PDXDC1: variants seen among roughly 807,000 people sequenced by gnomAD.
PDXDC1 encodes pyridoxal dependent decarboxylase domain containing 1, also known as pyridoxal-dependent decarboxylase domain-containing protein 1.
In PDXDC1, 42 loss-of-function variants were observed where a neutral mutation model predicts 100.1. The observed-to-expected ratio is 0.42, with a 90% confidence interval of 0.33 to 0.54. The LOEUF is 0.54. Ranked by LOEUF, PDXDC1 falls within the 20% of genes least tolerant of loss-of-function variation. The probability of loss-of-function intolerance (pLI) is 0.10; values close to 1 mark genes in which losing one functional copy is unlikely to be tolerated. For missense variants in PDXDC1, 636 were observed against 979.2 expected (o/e 0.65, Z 4.68); for synonymous variants, 260 against 371.7 (o/e 0.70, Z 3.46).
chr16:15,021,073 C>T (rs1408919116), intron 12 of PDXDC1, among the ~76,000 whole-genome samples: 3 of 151,980 alleles, frequency 2.0e-5, no homozygotes, highest in Non-Finnish European at 4.4e-5. Context: ...TAGGATAGTT[C>T]AACAGTTTTA....
At chr16:15,027,706 C>T (rs1345111051) in intron 14 of PDXDC1, among the ~76,000 whole-genome samples, 4 of 152,292 alleles carry the variant, frequency 2.6e-5, no homozygotes, top group Admixed American at 2.0e-4. Flanking sequence ...TGTCGGGGTG[C>T]TCTTCTGCCG....
At chr16:15,111,685 G>C (rs1432265662) in intron 16 of PDXDC1, among the ~76,000 whole-genome samples, 2 of 135,850 alleles carry the variant, frequency 1.5e-5, no homozygotes, top group Admixed American at 8.0e-5. Context: ...TTGAACCCAA[G>C]AGGCAGAGGT....
At chr16:15,063,648 C>T (rs1384703461) in intron 16 of PDXDC1, among the ~76,000 whole-genome samples, 14 of 139,830 alleles carry the variant, frequency 1.0e-4, no homozygotes, top group Admixed American at 1.6e-4. Flanking sequence ...GAGCTTGCAG[C>T]GAGCCGAGAT....
rs753980654 is a variant in PDXDC1, at chr16:15,038,285, C to G, written c.*2010C>G. On this transcript the variant is annotated 3_prime_UTR_variant, in exon 23 of 23. Transcript: ENST00000396410. ...TGCTGTGATAAAGATGTCAAAGTAT[C>G]TTTGTTCTTGGACACAAATATATAT... is the stretch of plus-strand genomic sequence containing the variant. The G allele has an allele frequency of 6.5e-6, 7 of 1,069,510 alleles. No individual in the cohort carries two copies. The highest frequency in any genetic ancestry group is 9.6e-6 in the Non-Finnish European group (7 of 725,406). 66.3% of individuals were successfully genotyped at this position (1,069,510 alleles called of 1,614,324 possible). A position where few individuals can be genotyped will look rare whatever the true frequency, so the allele number is the denominator to read the frequency against.
chr16:15,066,666 G>T lies in PDXDC1; in HGVS notation c.1399+36610G>T, dbSNP rs1260771078. On this transcript the variant is annotated intron_variant, in intron 16 of 16. Coordinates refer to the PDXDC1 transcript ENST00000535621. ...AAAAAAAAAAAGACAAAAACTAACA[G>T]ATGAAATCCCAACAAAGACTCAATA... Among the ~76,000 whole-genome samples, 6 of 148,494 alleles carry T rather than the reference G, an allele frequency of 4.0e-5. No individual in the cohort carries two copies. The South Asian group carries it at 8.6e-4, about 21-fold the overall frequency.
At chr16:15,080,119 A>C (rs751414163) in intron 16 of PDXDC1, 9 of 1,584,234 alleles carry the variant, frequency 5.7e-6, no homozygotes, top group African/African-American at 1.4e-5. Context: ...ATGTAAGATA[A>C]AACATTTCAA....
chr16:14,976,964 C>T (rs1204398443), intron 1 of PDXDC1: 2 of 152,292 alleles, frequency 1.3e-5, no homozygotes, highest in African/African-American at 4.8e-5. Context: ...ATCTTTCCTC[C>T]AGGAATAATT....
chr16:15,076,731 T>C, intron 16 of PDXDC1: 2 of 957,222 alleles, frequency 2.1e-6, no homozygotes, highest in South Asian at 1.4e-5. Flanking sequence ...ATTCATCTGA[T>C]ATACGCATGT....
rs146194005 is a variant in PDXDC1 at position 15,083,324 on chromosome 16, G to A, written c.1399+53268G>A. Among the ~76,000 whole-genome samples, 741 of 152,224 alleles carry A rather than the reference G, an allele frequency of 4.9e-3. 5 individuals are homozygous for A. Among genetic ancestry groups the A allele is most frequent in the African/African-American group, 0.017 (718 of 41,534 alleles). On this transcript the variant is annotated intron_variant, in intron 16 of 16. Transcript: ENST00000535621. ...TGAGGCAGGAGAATCGCTTGAACCC[G>A]AGAGGCAGAGGTTGCAGTGAGCCAA...
At chr16:14,991,269 G>GTGTA (rs1970741411) in intron 1 of PDXDC1, among the ~76,000 whole-genome samples, 1 of 10,204 alleles carries the variant, frequency 9.8e-5, no homozygotes, top group Non-Finnish European at 5.7e-4. Flanking sequence ...ATATAGATAT[G>GTGTA]TGTGTGTGTG....
At chr16:15,095,716 T>G (rs2046330765) in intron 16 of PDXDC1, among the ~76,000 whole-genome samples, 1 of 151,422 alleles carries the variant, frequency 6.6e-6, no homozygotes. Context: ...CCAGGCATGG[T>G]GGCAGTGCCT....
At chr16:15,101,970 TC>T (rs1477092139) in intron 16 of PDXDC1, among the ~76,000 whole-genome samples, 1 of 152,156 alleles carries the variant, frequency 6.6e-6, no homozygotes, top group Admixed American at 6.6e-5. Context: ...TGCCTCAGCC[TC>T]CCGAGTAGCT....
At chr16:15,117,870 T>C (rs1421590940) in intron 16 of PDXDC1, among the ~76,000 whole-genome samples, 34 of 18,348 alleles carry the variant, frequency 1.9e-3, no homozygotes, top group Non-Finnish European at 2.9e-3. Context: ...ATTATCTAGG[T>C]GGTAAAACTG....
intron 3 of PDXDC1, among the ~76,000 whole-genome samples, chr16:14,999,118 G>A (rs1439103072): frequency 6.6e-6 from 1 of 152,282 alleles, no homozygotes; most frequent in African/African-American, 2.4e-5. Context: ...CCAGGCTGAA[G>A]TGCAGTGGTG....
chr16:15,150,532 G>C, the PDXDC1 span, among the ~76,000 whole-genome samples: 5 of 150,976 alleles, frequency 3.3e-5, no homozygotes, highest in Non-Finnish European at 7.4e-5. Flanking sequence ...AGCCGGGCGT[G>C]GTGGCGCGCG....
the PDXDC1 span, among the ~76,000 whole-genome samples, chr16:15,146,356 A>G: frequency 1.1e-4 from 17 of 152,300 alleles, no homozygotes; most frequent in Admixed American, 7.2e-4. Context: ...AGGATGCAGC[A>G]GGGTCCGCAC....
At chr16:15,077,150 T>G (rs1007263947) in intron 16 of PDXDC1, among the ~76,000 whole-genome samples, 10 of 151,836 alleles carry the variant, frequency 6.6e-5, no homozygotes, top group Non-Finnish European at 1.3e-4. Flanking sequence ...CAGCTAATTT[T>G]GTATTTTTAG....
chr16:15,035,554 G>GT lies in PDXDC1; in HGVS notation c.2107+2dup. On this transcript the variant is annotated splice_donor_variant, in intron 22 of 22. Transcript: ENST00000396410. LOFTEE classifies it high-confidence loss of function. ...AGTCGCACCAAGCAGAGGCTTCCAGGTAAGTGACGCCTCTGCACCGAGTTC... is the reference window on the plus strand; with the variant it reads ...AGTCGCACCAAGCAGAGGCTTCCAGGTTAAGTGACGCCTCTGCACCGAGTTC... 1.3e-6 allele frequency: 2 copies of GT among 1,585,160 alleles called. No individual in the cohort carries two copies. The highest frequency in any genetic ancestry group is 1.7e-6 in the Non-Finnish European group (2 of 1,156,380).
rs756199479 is a variant in PDXDC1, at chr16:15,032,901, G to T, written c.1612G>T (p.Asp538Tyr). ...TGATGATAAGAGCAGTTTGAAATCA[G>T]ATCCCGAAGGGGAAAACATCCATGC... ...ANDDKSSLKSDPEGENIHAGL... is the reference protein window; with the variant it reads ...ANDDKSSLKSYPEGENIHAGL... The change falls in exon 18 of 23, where the codon GAT (aspartate) becomes TAT (tyrosine). Residue 538 changes from aspartate (D) to tyrosine (Y), a missense_variant. Coordinates refer to ENST00000396410, the MANE Select transcript of PDXDC1 (RefSeq NM_015027.4). 3 of 1,611,648 alleles carry T rather than the reference G, an allele frequency of 1.9e-6. No homozygotes were observed. The Admixed American group carries it at 5.0e-5, about 27-fold the overall frequency.
Sources: gnomAD v4.1 joint callset for allele counts (sites outside exome capture counted in the v4.1 genomes callset) on GRCh38, gnomAD v4.1.1 for gene constraint, MANE v1.5 for transcripts, NCBI Gene and HGNC (gene_info 2026-07-23, HGNC 2026-07-21) for gene names.